The following USP37 variants were observed in gnomAD, a reference collection of about 807,000 sequenced individuals.
The protein encoded by USP37 is ubiquitin specific peptidase 37, also known as ubiquitin carboxyl-terminal hydrolase 37.
A neutral mutation model predicts 124.0 loss-of-function variants in USP37; 27 were observed. The ratio of observed to expected loss-of-function variants is 0.22; its 90% confidence interval spans 0.16 to 0.30. The LOEUF (loss-of-function observed/expected upper bound fraction) is 0.30. USP37 is among the 10% of genes least tolerant of loss of function. USP37 has a pLI of 1.00. For synonymous variants in USP37, 365 were observed against 388.0 expected (o/e 0.94, Z 0.70); for missense variants, 889 against 1,140.4 (o/e 0.78, Z 3.17).
chr2:218,555,140 A>T (rs896775419), intron 4 of USP37, among the ~76,000 whole-genome samples: 5 of 152,228 alleles, frequency 3.3e-5, no homozygotes, highest in African/African-American at 1.2e-4. Flanking sequence ...TAAATCTTAC[A>T]GTTTCTTCAT....
At chr2:218,474,030 T>C (rs1285647536) in intron 20 of USP37, among the ~76,000 whole-genome samples, 1 of 152,118 alleles carries the variant, frequency 6.6e-6, no homozygotes, top group Non-Finnish European at 1.5e-5. Context: ...CATCTAAACA[T>C]AGAAAAAGCA....
intron 10 of USP37, among the ~76,000 whole-genome samples, chr2:218,521,874 C>T (rs970694249): frequency 2.0e-5 from 3 of 152,084 alleles, no homozygotes; most frequent in South Asian, 4.1e-4. Context: ...CACCACTTAA[C>T]GTTGTCTTTT....
chr2:218,549,977 T>A, intron 5 of USP37, 68 bp from the exon 6 acceptor site: 1 of 1,153,596 alleles, frequency 8.7e-7, no homozygotes, highest in Non-Finnish European at 1.2e-6. Context: ...AGATTTATCA[T>A]TATTATTTTT....
intron 20 of USP37, among the ~76,000 whole-genome samples, chr2:218,471,497 A>G (rs1214775720): frequency 6.6e-6 from 1 of 152,190 alleles, no homozygotes; most frequent in Non-Finnish European, 1.5e-5. Flanking sequence ...CAAACTGATG[A>G]AATATCAAAT....
chr2:218,455,506 AAAGG>A, intron 25 of USP37, 70 bp downstream of exon 25: 1 of 1,401,616 alleles, frequency 7.1e-7, no homozygotes, highest in South Asian at 1.4e-5. Flanking sequence ...TTTTATCCTC[AAAGG>A]AAAAAAAAAA....
At chr2:218,534,266 A>G (rs1299333536) in intron 9 of USP37, among the ~76,000 whole-genome samples, 2 of 152,236 alleles carry the variant, frequency 1.3e-5, no homozygotes, top group Non-Finnish European at 2.9e-5. Context: ...AGGCAGGTGG[A>G]TAACTTGTGT....
At chr2:218,492,133 T>C (rs1175759978) in intron 14 of USP37, among the ~76,000 whole-genome samples, 1 of 152,042 alleles carries the variant, frequency 6.6e-6, no homozygotes, top group Non-Finnish European at 1.5e-5. Flanking sequence ...CCAGGGAAGT[T>C]GAGGCTGCAG....
intron 20 of USP37, among the ~76,000 whole-genome samples, chr2:218,467,530 G>C (rs1368683822): frequency 6.6e-6 from 1 of 152,104 alleles, no homozygotes; most frequent in East Asian, 1.9e-4. Context: ...TGTATTTTTA[G>C]TAGAGACGGG....
intron 23 of USP37, among the ~76,000 whole-genome samples, chr2:218,458,347 G>A (rs1406163883): frequency 1.3e-5 from 2 of 151,280 alleles, no homozygotes; most frequent in Non-Finnish European, 2.9e-5. Flanking sequence ...AGAGATGGGT[G>A]GATCCCTCAA....
chr2:218,466,942 G>A (rs1435886515), intron 20 of USP37, among the ~76,000 whole-genome samples: 2 of 151,958 alleles, frequency 1.3e-5, no homozygotes, highest in African/African-American at 4.8e-5. Flanking sequence ...CATTGGCCAG[G>A]CTGCTCTCAA....
At chr2:218,479,215 C>T (rs959443726) in intron 18 of USP37, among the ~76,000 whole-genome samples, 3 of 152,116 alleles carry the variant, frequency 2.0e-5, no homozygotes, top group Non-Finnish European at 4.4e-5. Context: ...AACTCCTATT[C>T]GGTGTCAAAG....
intron 10 of USP37, among the ~76,000 whole-genome samples, chr2:218,513,614 T>C (rs987760814): frequency 1.3e-5 from 2 of 152,206 alleles, no homozygotes; most frequent in East Asian, 1.9e-4. Flanking sequence ...TCTGTCACTA[T>C]AGATTACATT....
intron 10 of USP37, among the ~76,000 whole-genome samples, chr2:218,513,172 A>G (rs1690092846): frequency 6.6e-6 from 1 of 152,032 alleles, no homozygotes; most frequent in Non-Finnish European, 1.5e-5. Context: ...CTGGGACTAT[A>G]GGCGTGCACC....
chr2:218,474,846 A>G lies in USP37; in HGVS notation c.2083T>C (p.Leu695=), dbSNP rs1400117258. The G allele has an allele frequency of 1.9e-6, 3 of 1,614,072 alleles. No homozygotes were observed. The highest frequency in any genetic ancestry group is 1.3e-5 in the African/African-American group (1 of 75,066). The part of the protein sequence containing the change: ...LCPIEPDKSE[L]ENSGFDRMSE... Reference sequence around the variant, plus strand: ...ATTCTGTCAAATCCTGAGTTTTCCAATTCAGACTTGTCAGGCTCTATTGGG... The same window carrying G: ...ATTCTGTCAAATCCTGAGTTTTCCAGTTCAGACTTGTCAGGCTCTATTGGG... The change falls in exon 20 of 26, where the codon TTG becomes CTG. Residue 695 remains leucine (L), a synonymous_variant. Transcript: ENST00000258399.
At position 218,513,766 on chromosome 2, in the gene USP37, G is replaced by A. The variant is rs761833338; in HGVS notation, c.864-3626C>T. ...TTCTATTGCTAGACAGCATTCCATT[G>A]TATGAATATACCACAATTTGTTTAA... On this transcript the variant is annotated intron_variant, in intron 10 of 25. Coordinates refer to ENST00000258399, the MANE Select transcript of USP37 (RefSeq NM_020935.3). 7.9e-5 allele frequency among the ~76,000 whole-genome samples: 12 copies of A among 152,062 alleles called. No homozygotes were observed. In the South Asian group the frequency reaches 2.5e-3, roughly 32 times the overall value.
Position 218,454,577 on chromosome 2 carries a change from G to A in USP37, c.*353C>T, listed in dbSNP as rs2106401517. 5.4e-6 allele frequency: 1 copy of A among 183,570 alleles called. No individual in the cohort carries two copies. The highest frequency in any genetic ancestry group is 2.3e-5 in the African/African-American group (1 of 42,564). 11.4% of individuals were successfully genotyped at this position (183,570 alleles called of 1,614,324 possible). A position where few individuals can be genotyped will look rare whatever the true frequency, so the allele number is the denominator to read the frequency against. ...ATTAATTTTGAGCAGGCATATTCTG[G>A]TGGCTCATCCTAACTCTTTAAGGCT... On this transcript the variant is annotated 3_prime_UTR_variant, in exon 26 of 26. Coordinates refer to ENST00000258399, the MANE Select transcript of USP37 (RefSeq NM_020935.3).
intron 10 of USP37, among the ~76,000 whole-genome samples, chr2:218,522,092 TCTCAAACTCCTGAG>T (rs1432778500): frequency 6.8e-6 from 1 of 146,438 alleles, no homozygotes; most frequent in East Asian, 2.1e-4. Context: ...CCAGGGCTGG[TCTCAAACTCCTGAG>T]CTCAAGCCAT....
intron 10 of USP37, chr2:218,514,530 T>C (rs1690169905): frequency 6.6e-6 from 1 of 152,248 alleles, no homozygotes; most frequent in East Asian, 1.9e-4. Flanking sequence ...CAGTGCATCA[T>C]ATCACAGAGT....
chr2:218,499,549 G>GT (rs1689259429), intron 11 of USP37, among the ~76,000 whole-genome samples: 1 of 152,140 alleles, frequency 6.6e-6, no homozygotes, highest in Non-Finnish European at 1.5e-5. Context: ...ATCAGTAAAT[G>GT]TAACACTGAT....
Sources: gnomAD v4.1 joint callset for allele counts (sites outside exome capture counted in the v4.1 genomes callset) on GRCh38, gnomAD v4.1.1 for gene constraint, MANE v1.5 for transcripts, NCBI Gene and HGNC (gene_info 2026-07-23, HGNC 2026-07-21) for gene names.